The following NALF1 variants were observed in gnomAD, a reference collection of about 807,000 sequenced individuals.
The protein encoded by NALF1 is family with sequence similarity 155 member A.
A neutral mutation model predicts 48.4 loss-of-function variants in NALF1; 3 were observed. The ratio of observed to expected loss-of-function variants is 0.06; its 90% CI spans 0.03 to 0.16. The LOEUF (loss-of-function observed/expected upper bound fraction) is 0.16, where lower values mean the gene tolerates loss of function less well. Ranked by LOEUF, NALF1 falls within the 10% of genes least tolerant of loss-of-function variation. The pLI, the probability that NALF1 is intolerant of heterozygous loss-of-function variation, is 1.00. For synonymous variants in NALF1, 262 were observed against 245.7 expected (o/e 1.07, Z -0.62); for missense variants, 526 against 571.5 (o/e 0.92, Z 0.81).
chr13:107,213,070 T>C (rs1472298299), intron 1 of NALF1, among the ~76,000 whole-genome samples: 1 of 152,094 alleles, frequency 6.6e-6, no homozygotes. Flanking sequence ...GTCTCCTCTC[T>C]CGCAGACGGT....
At chr13:107,492,119 C>T (rs1207433111) in intron 1 of NALF1, among the ~76,000 whole-genome samples, 1 of 146,382 alleles carries the variant, frequency 6.8e-6, no homozygotes, top group African/African-American at 2.6e-5. Context: ...GGCACAATCT[C>T]GGCTCACTGC....
chr13:107,315,534 G>C (rs1420308316), intron 1 of NALF1, among the ~76,000 whole-genome samples: 3 of 151,982 alleles, frequency 2.0e-5, no homozygotes, highest in Non-Finnish European at 4.4e-5. Context: ...AAAAACTACA[G>C]GCAATTTCAT....
At chr13:107,537,910 C>T (rs1365150194) in intron 1 of NALF1, among the ~76,000 whole-genome samples, 4 of 152,010 alleles carry the variant, frequency 2.6e-5, no homozygotes, top group East Asian at 1.9e-4. Flanking sequence ...CCCAGCTACT[C>T]GAGACACTGA....
At chr13:107,433,589 TA>T (rs1555300647) in intron 1 of NALF1, among the ~76,000 whole-genome samples, 1 of 150,830 alleles carries the variant, frequency 6.6e-6, no homozygotes, top group Non-Finnish European at 1.5e-5. Context: ...AATAAAATAA[TA>T]AAAAAAGAAA....
intron 1 of NALF1, among the ~76,000 whole-genome samples, chr13:107,301,279 T>C (rs1881832260): frequency 2.6e-5 from 4 of 152,320 alleles, no homozygotes; most frequent in South Asian, 4.1e-4. Flanking sequence ...CATTAATTCA[T>C]AGACCAAAAC....
chr13:107,212,595 G>A (rs1405969496), intron 1 of NALF1, among the ~76,000 whole-genome samples: 2 of 152,134 alleles, frequency 1.3e-5, no homozygotes, highest in African/African-American at 2.4e-5. Flanking sequence ...AAAGTGAAAT[G>A]ATTTCTTAAC....
chr13:107,365,844 C>A lies in NALF1; in HGVS notation c.916-155089G>T, dbSNP rs143896170. ...TGCACTAAAATATATTTTGCCTACT[C>A]CCGTTCACTATGCAGCATTACTAGT... is the stretch of plus-strand genomic sequence containing the variant. On this transcript the variant is annotated intron_variant, in intron 1 of 2. Coordinates refer to ENST00000375915, the MANE Select transcript of NALF1 (RefSeq NM_001080396.3). Among the ~76,000 whole-genome samples, 9 of 152,298 alleles carry A rather than the reference C, an allele frequency of 5.9e-5. No homozygotes were observed. In the East Asian group the frequency reaches 1.7e-3, roughly 30 times the overall value.
intron 2 of NALF1, among the ~76,000 whole-genome samples, chr13:107,181,253 T>A (rs1879053911): frequency 6.6e-6 from 1 of 151,506 alleles, no homozygotes; most frequent in Non-Finnish European, 1.5e-5. Context: ...CTTTTACTAT[T>A]CTCTTTGTAA....
intron 1 of NALF1, among the ~76,000 whole-genome samples, chr13:107,409,193 T>C (rs1172656717): frequency 6.6e-6 from 1 of 151,982 alleles, no homozygotes; most frequent in African/African-American, 2.4e-5. Context: ...TGCAGTAAAA[T>C]AATGAAAAAT....
chr13:107,720,461 A>G (rs1370486865), intron 1 of NALF1, among the ~76,000 whole-genome samples: 1 of 136,644 alleles, frequency 7.3e-6, no homozygotes, highest in Admixed American at 8.7e-5. Context: ...CAGTGAACCA[A>G]GACTGCGCCC....
intron 1 of NALF1, among the ~76,000 whole-genome samples, chr13:107,620,130 C>A (rs1219970343): frequency 6.6e-6 from 1 of 152,082 alleles, no homozygotes; most frequent in Non-Finnish European, 1.5e-5. Flanking sequence ...CAAAAAAATT[C>A]TCCTCTAGGA....
At chr13:107,589,933 A>G (rs1878559512) in intron 1 of NALF1, among the ~76,000 whole-genome samples, 1 of 152,040 alleles carries the variant, frequency 6.6e-6, no homozygotes, top group Non-Finnish European at 1.5e-5. Flanking sequence ...ACTGGTAGCT[A>G]CTAGGCACTT....
intron 1 of NALF1, among the ~76,000 whole-genome samples, chr13:107,536,097 C>A (rs1036663518): frequency 6.6e-6 from 1 of 152,030 alleles, no homozygotes; most frequent in Non-Finnish European, 1.5e-5. Flanking sequence ...TAAAGAATTA[C>A]ATGTTAGACC....
intron 1 of NALF1, among the ~76,000 whole-genome samples, chr13:107,693,209 A>G (rs896081765): frequency 6.6e-6 from 1 of 152,096 alleles, no homozygotes; most frequent in Non-Finnish European, 1.5e-5. Flanking sequence ...CATTCTGAGC[A>G]AACTATCACA....
chr13:107,700,267 C>T (rs891879076), intron 1 of NALF1, among the ~76,000 whole-genome samples: 2 of 151,860 alleles, frequency 1.3e-5, no homozygotes, highest in African/African-American at 4.8e-5. Flanking sequence ...TACAAAGTTA[C>T]AGTACTCAGA....
At chr13:107,704,233 T>C (rs1881894115) in intron 1 of NALF1, among the ~76,000 whole-genome samples, 1 of 152,198 alleles carries the variant, frequency 6.6e-6, no homozygotes. Context: ...GGTTGCTTCA[T>C]GGTCCTTTTC....
chr13:107,611,723 G>GC (rs1879227574), intron 1 of NALF1, among the ~76,000 whole-genome samples: 1 of 151,136 alleles, frequency 6.6e-6, no homozygotes, highest in African/African-American at 2.4e-5. Context: ...TCTACAAAAA[G>GC]TAAAAAGAAG....
At chr13:107,271,814 A>ATATATATT (rs1374366280) in intron 1 of NALF1, among the ~76,000 whole-genome samples, 1,053 of 101,804 alleles carry the variant, frequency 0.01, 7 homozygotes, top group East Asian at 0.027. Context: ...ATATATATAT[A>ATATATATT]TATTTATATA....
intron 1 of NALF1, among the ~76,000 whole-genome samples, chr13:107,234,341 C>G (rs900813814): frequency 1.3e-5 from 2 of 152,198 alleles, no homozygotes; most frequent in African/African-American, 4.8e-5. Context: ...GCCTGCTTTC[C>G]CCAGGCACAA....
Sources: allele counts gnomAD v4.1 joint callset (sites outside exome capture counted in the v4.1 genomes callset), GRCh38; gene constraint gnomAD v4.1.1; transcripts MANE v1.5; gene names NCBI Gene and HGNC (gene_info 2026-07-23, HGNC 2026-07-21).